The following LARP4B variants were observed in gnomAD, a reference collection of about 807,000 sequenced individuals.
The protein encoded by LARP4B is La ribonucleoprotein 4B.
In LARP4B, 12 loss-of-function variants were observed where a neutral mutation model predicts 89.8. That is an observed-to-expected ratio of 0.13 (90% CI 0.09 to 0.22). LARP4B has a LOEUF of 0.22. LARP4B is among the 10% of genes least tolerant of loss of function. The pLI is 1.00. For synonymous variants in LARP4B, 367 were observed against 363.3 expected (o/e 1.01, Z -0.12); for missense variants, 757 against 947.7 (o/e 0.80, Z 2.64).
At chr10:907,754 T>A (rs1194716055) in intron 1 of LARP4B, among the ~76,000 whole-genome samples, 1 of 152,158 alleles carries the variant, frequency 6.6e-6, no homozygotes. Context: ...AGTCCTAAGG[T>A]GTTTTCAGGA....
At chr10:926,422 G>A (rs575855568) in intron 1 of LARP4B, among the ~76,000 whole-genome samples, 3 of 152,268 alleles carry the variant, frequency 2.0e-5, no homozygotes, top group South Asian at 2.1e-4. Context: ...TGGCTACAAC[G>A]TTTGCAACAC....
At chr10:828,312 C>A (rs2131650659) in intron 11 of LARP4B, among the ~76,000 whole-genome samples, 1 of 152,346 alleles carries the variant, frequency 6.6e-6, no homozygotes, top group South Asian at 2.1e-4. Context: ...AAAAGCTCAA[C>A]CTAGATGACA....
chr10:869,690 C>T (rs1389727490), intron 3 of LARP4B, among the ~76,000 whole-genome samples: 4 of 151,810 alleles, frequency 2.6e-5, no homozygotes, highest in Non-Finnish European at 4.4e-5. Flanking sequence ...AGTTCAAAAC[C>T]GGCCTGGCCA....
chr10:875,633 G>A (rs1368663019), intron 3 of LARP4B, among the ~76,000 whole-genome samples: 2 of 152,200 alleles, frequency 1.3e-5, no homozygotes, highest in Non-Finnish European at 2.9e-5. Context: ...GTCTCAAGTC[G>A]AGAGGCTGCT....
At chr10:884,385 G>T in intron 3 of LARP4B, 62 bp downstream of exon 3, 1 of 1,097,240 alleles carries the variant, frequency 9.1e-7, no homozygotes, top group African/African-American at 1.6e-5. Context: ...TTTTCTTAAG[G>T]AAGTATCTCT....
intron 1 of LARP4B, among the ~76,000 whole-genome samples, chr10:887,032 A>T (rs1488712630): frequency 6.6e-6 from 1 of 152,130 alleles, no homozygotes; most frequent in Non-Finnish European, 1.5e-5. Flanking sequence ...GGTTGCAGTG[A>T]GCTGAGATAG....
chr10:838,335 A>C (rs1211157366), intron 7 of LARP4B, among the ~76,000 whole-genome samples: 4 of 152,210 alleles, frequency 2.6e-5, no homozygotes, highest in Non-Finnish European at 4.4e-5. Flanking sequence ...ATGAGAAGCC[A>C]TTGACTGATG....
At chr10:948,914 G>A in the LARP4B span, among the ~76,000 whole-genome samples, 16 of 152,262 alleles carry the variant, frequency 1.1e-4, no homozygotes, top group Admixed American at 7.8e-4. Context: ...AGGCCATCTC[G>A]GTAGCTTCCA....
At chr10:855,596 T>C (rs971896030) in intron 5 of LARP4B, among the ~76,000 whole-genome samples, 3 of 152,016 alleles carry the variant, frequency 2.0e-5, no homozygotes, top group African/African-American at 7.3e-5. Flanking sequence ...CCCAAAACAA[T>C]GGCAGTAGTA....
chr10:871,924 G>A lies in LARP4B; in HGVS notation c.142-7654C>T, dbSNP rs188436775. On this transcript the variant is annotated intron_variant, in intron 3 of 17. Transcript: ENST00000316157. The stretch of plus-strand genomic sequence containing the variant: ...CGACAACAACTGTTACCACCTCCGG[G>A]TCATCACTCCCTGCAACACATGCAG... 3.4e-3 allele frequency among the ~76,000 whole-genome samples: 520 copies of A among 152,200 alleles called. 2 individuals carry two copies. The highest frequency in any genetic ancestry group is 6.0e-3 in the Non-Finnish European group (409 of 67,988).
intron 1 of LARP4B, among the ~76,000 whole-genome samples, chr10:903,933 G>A (rs191276854): frequency 1.5e-3 from 225 of 152,202 alleles, no homozygotes; most frequent in African/African-American, 5.2e-3. Flanking sequence ...CTAACAATGA[G>A]TCAGAGAACC....
At chr10:906,452 G>A (rs1018661576) in intron 1 of LARP4B, among the ~76,000 whole-genome samples, 10 of 152,240 alleles carry the variant, frequency 6.6e-5, no homozygotes, top group Admixed American at 3.9e-4. Context: ...GGTGGGAAGA[G>A]GGAACAGCCC....
In LARP4B at chr10:832,497, C is replaced by T. The variant is rs542109342; in HGVS notation, c.751-1520G>A. 3.5e-4 allele frequency among the ~76,000 whole-genome samples: 53 copies of T among 152,244 alleles called. 1 individual carries two copies. The highest frequency in any genetic ancestry group is 1.2e-3 in the Admixed American group (18 of 15,292). On this transcript the variant is annotated intron_variant, in intron 8 of 17. Coordinates refer to ENST00000316157, the MANE Select transcript of LARP4B (RefSeq NM_015155.3). Reference sequence around the variant, plus strand: ...GAAAACATTTAACAAAATAATGGCTCGATAAATTTCAGGTACGAGAAGTTT... The same window carrying T: ...GAAAACATTTAACAAAATAATGGCTTGATAAATTTCAGGTACGAGAAGTTT...
At chr10:952,076 C>A in the LARP4B span, among the ~76,000 whole-genome samples, 3 of 151,792 alleles carry the variant, frequency 2.0e-5, no homozygotes, top group South Asian at 6.3e-4. Context: ...CAGTGGCTCA[C>A]GCCTATAATC....
intron 5 of LARP4B, among the ~76,000 whole-genome samples, chr10:851,319 G>C (rs1259209305): frequency 6.6e-6 from 1 of 151,984 alleles, no homozygotes; most frequent in Non-Finnish European, 1.5e-5. Flanking sequence ...GAGGAGCTGG[G>C]ACCACAGGCG....
intron 13 of LARP4B, among the ~76,000 whole-genome samples, chr10:824,846 A>G (rs1019595593): frequency 4.6e-5 from 7 of 152,252 alleles, no homozygotes; most frequent in African/African-American, 1.7e-4. Context: ...TGTTTCTACA[A>G]ATAATGATCT....
At chr10:958,585 G>A in the LARP4B span, among the ~76,000 whole-genome samples, 1 of 152,186 alleles carries the variant, frequency 6.6e-6, no homozygotes, top group Non-Finnish European at 1.5e-5. Flanking sequence ...CCACACCTCT[G>A]ATTTATATCT....
At chr10:858,640 T>A (rs1379784629) in intron 5 of LARP4B, among the ~76,000 whole-genome samples, 1 of 152,234 alleles carries the variant, frequency 6.6e-6, no homozygotes, top group Non-Finnish European at 1.5e-5. Flanking sequence ...TTGTGATTGA[T>A]GTATCTGATC....
chr10:915,268 G>C (rs1352190865), intron 1 of LARP4B, among the ~76,000 whole-genome samples: 2 of 151,996 alleles, frequency 1.3e-5, no homozygotes, highest in Non-Finnish European at 2.9e-5. Context: ...CCAGGCAACA[G>C]AGCAGACCCT....
Sources: gnomAD v4.1 joint callset for allele counts (sites outside exome capture counted in the v4.1 genomes callset) on GRCh38, gnomAD v4.1.1 for gene constraint, MANE v1.5 for transcripts, NCBI Gene and HGNC (gene_info 2026-07-23, HGNC 2026-07-21) for gene names.